RIMS3: variants seen among roughly 807,000 people sequenced by gnomAD.
RIMS3 encodes the protein regulating synaptic membrane exocytosis protein 3.
A neutral mutation model predicts 29.2 loss-of-function variants in RIMS3; 15 were observed. The observed-to-expected ratio is 0.51, with a 90% CI of 0.34 to 0.79. The LOEUF is 0.79. Among genes scored for constraint, RIMS3 ranks in the 30% least tolerant of loss-of-function variants. The pLI is 0.01. For missense variants in RIMS3, 342 were observed against 421.4 expected, an observed-to-expected ratio of 0.81 and a Z score of 1.65; for synonymous variants, 161 against 170.1, an observed-to-expected ratio of 0.95 and a Z score of 0.41.
chr1:40,637,284 G>A (rs147687784), intron 3 of RIMS3, among the ~76,000 whole-genome samples: 7 of 152,268 alleles, frequency 4.6e-5, no homozygotes, highest in African/African-American at 9.6e-5. Flanking sequence ...CTCCTGCTTC[G>A]TCTGCTTATC....
At chr1:40,660,267 G>A (rs911370010) in intron 1 of RIMS3, among the ~76,000 whole-genome samples, 1 of 152,118 alleles carries the variant, frequency 6.6e-6, no homozygotes, top group African/African-American at 2.4e-5. Context: ...TAAAGGCAGA[G>A]CAGGTGCAGG....
At chr1:40,685,192 C>T in the RIMS3 span, among the ~76,000 whole-genome samples, 1 of 150,930 alleles carries the variant, frequency 6.6e-6, no homozygotes, top group African/African-American at 2.4e-5. Context: ...TGCATCCTGT[C>T]CTCTTTCCCT....
intron 2 of RIMS3, among the ~76,000 whole-genome samples, chr1:40,644,122 G>A (rs541085809): frequency 6.6e-6 from 1 of 152,294 alleles, no homozygotes; most frequent in East Asian, 1.9e-4. Flanking sequence ...AGAGGGCTAA[G>A]CCCTAGGACA....
intron 7 of RIMS3, among the ~76,000 whole-genome samples, chr1:40,628,329 C>G (rs1015626693): frequency 6.6e-6 from 1 of 152,198 alleles, no homozygotes; most frequent in Non-Finnish European, 1.5e-5. Flanking sequence ...GTGCAGAAGG[C>G]CTTTGTTGCT....
the RIMS3 span, among the ~76,000 whole-genome samples, chr1:40,675,996 A>T: frequency 6.6e-6 from 1 of 152,284 alleles, no homozygotes; most frequent in African/African-American, 2.4e-5. Context: ...AAGTAGGATC[A>T]GAGACCAAGA....
At chr1:40,685,976 C>T in the RIMS3 span, among the ~76,000 whole-genome samples, 4 of 152,092 alleles carry the variant, frequency 2.6e-5, no homozygotes, top group South Asian at 2.1e-4. Flanking sequence ...GGTGAAACCC[C>T]GTCTTTACTA....
At position 40,621,288 on chromosome 1, in the gene RIMS3, G is replaced by A. The variant is rs1330431895; in HGVS notation, c.*5229C>T. 6.6e-6 allele frequency: 1 copy of A among 152,252 alleles called. No individual in the cohort carries two copies. Among genetic ancestry groups the A allele is most frequent in the Non-Finnish European group, 1.5e-5 (1 of 68,050 alleles). 9.4% of individuals were successfully genotyped at this position (152,252 alleles called of 1,614,324 possible). On this transcript the variant is annotated 3_prime_UTR_variant, in exon 8 of 8. Coordinates refer to ENST00000372684, the MANE Select transcript of RIMS3 (RefSeq NM_014747.3). The stretch of plus-strand genomic sequence containing the variant: ...ACACTGACTTACTCAGGATGTAGCG[G>A]AGGTTGTGACATCACATCAGCACCT...
chr1:40,682,204 TTTCA>T, the RIMS3 span, among the ~76,000 whole-genome samples: 2 of 152,180 alleles, frequency 1.3e-5, no homozygotes, highest in African/African-American at 2.4e-5. Context: ...ACTGGCTTAC[TTTCA>T]TTCATTCATT....
Position 40,626,319 on chromosome 1 carries a change from G to T in RIMS3, c.*198C>A. The stretch of plus-strand genomic sequence containing the variant: ...CAGACAAATGAACAGATAGAACGTG[G>T]TCACGTACACACACACACACACGCA... On this transcript the variant is annotated 3_prime_UTR_variant, in exon 8 of 8. Transcript: ENST00000372684. 1.6e-6 allele frequency: 1 copy of T among 627,062 alleles called. No homozygotes were observed. 38.8% of individuals were successfully genotyped at this position (627,062 alleles called of 1,614,324 possible).
rs1467357339 is a variant in RIMS3 at position 40,636,115 on chromosome 1, C to T, written c.218-58G>A. 2.5e-6 allele frequency: 4 copies of T among 1,591,374 alleles called. No individual in the cohort carries two copies. Among genetic ancestry groups the T allele is most frequent in the Admixed American group, 1.7e-5 (1 of 59,780 alleles). ...GAACAAGGTCAGATTATGAATGGGG[C>T]TTCTCTAAGAGTCCTGCCAAAGTCA... On this transcript the variant is annotated intron_variant, in intron 3 of 7. Transcript: ENST00000372684. This position sits in a 1 kb window ranked among gnomAD's most constrained non-coding sequence, Gnocchi z 4.2.
In RIMS3 at chr1:40,628,958, G is replaced by A. The variant is rs1341397251; in HGVS notation, c.575-9C>T. ...AACCTTGATATAGGTGGCTAAGGGA[G>A]GAGAGAATGTATGACAGGGAGGGGT... is the stretch of plus-strand genomic sequence containing the variant. On this transcript the variant is annotated splice_polypyrimidine_tract_variant and intron_variant, in intron 6 of 7. Coordinates refer to ENST00000372684, the MANE Select transcript of RIMS3 (RefSeq NM_014747.3). 6.2e-7 allele frequency: 1 copy of A among 1,612,894 alleles called. No homozygotes were observed. The highest frequency in any genetic ancestry group is 8.5e-7 in the Non-Finnish European group (1 of 1,179,998).
the RIMS3 span, among the ~76,000 whole-genome samples, chr1:40,673,931 T>A: frequency 6.7e-6 from 1 of 148,944 alleles, no homozygotes; most frequent in Non-Finnish European, 1.5e-5. Flanking sequence ...AGAAAACATA[T>A]GTAAAGTGAT....
chr1:40,637,104 G>T (rs191369110), intron 3 of RIMS3, among the ~76,000 whole-genome samples: 2 of 152,294 alleles, frequency 1.3e-5, no homozygotes, highest in Admixed American at 1.3e-4. Flanking sequence ...ATTAACAGTG[G>T]AGTTGCCTAC....
chr1:40,652,557 A>G (rs974671201), intron 1 of RIMS3, among the ~76,000 whole-genome samples: 1 of 152,220 alleles, frequency 6.6e-6, no homozygotes, highest in Non-Finnish European at 1.5e-5. Context: ...CTCTAAAGGA[A>G]GGAGGCGGCA....
chr1:40,623,569 G>A lies in RIMS3; in HGVS notation c.*2948C>T. ...CTGTAACCACTGCAGGGTTTCATCT[G>A]GGCAAGGGGGCATTTGGAGCCGGGA... On this transcript the variant is annotated 3_prime_UTR_variant, in exon 8 of 8. Coordinates refer to ENST00000372684, the MANE Select transcript of RIMS3 (RefSeq NM_014747.3). The A allele has an allele frequency of 1.0e-5, 4 of 398,654 alleles. No individual in the cohort carries two copies. Among genetic ancestry groups the A allele is most frequent in the Non-Finnish European group, 1.8e-5 (4 of 226,148 alleles). The allele number at this position is 398,654 out of a possible 1,614,324, so 24.7% of individuals were successfully genotyped here. A position where few individuals can be genotyped will look rare whatever the true frequency, so the allele number is the denominator to read the frequency against.
At chr1:40,650,850 A>G (rs1557680256) in intron 1 of RIMS3, among the ~76,000 whole-genome samples, 1 of 115,542 alleles carries the variant, frequency 8.7e-6, no homozygotes, top group East Asian at 2.8e-4. Flanking sequence ...TGGATGACAG[A>G]GCCAGACTCT....
chr1:40,675,967 G>A, the RIMS3 span, among the ~76,000 whole-genome samples: 2 of 152,022 alleles, frequency 1.3e-5, no homozygotes, highest in Non-Finnish European at 2.9e-5. Context: ...GGCCAGGAAA[G>A]CCATGTGCAG....
At chr1:40,657,509 G>A (rs1642288552) in intron 1 of RIMS3, among the ~76,000 whole-genome samples, 1 of 152,174 alleles carries the variant, frequency 6.6e-6, no homozygotes, top group Admixed American at 6.5e-5. Context: ...ACTTTCAGAG[G>A]CCAAGATGGG....
chr1:40,685,783 C>T, the RIMS3 span, among the ~76,000 whole-genome samples: 1 of 151,870 alleles, frequency 6.6e-6, no homozygotes, highest in Non-Finnish European at 1.5e-5. Flanking sequence ...TTCTCATGGC[C>T]ACACACCCTC....
Sources: gnomAD v4.1 joint callset for allele counts (sites outside exome capture counted in the v4.1 genomes callset) on GRCh38, gnomAD v4.1.1 for gene constraint, Gnocchi (gnomAD v3.1) non-coding constraint, MANE v1.5 for transcripts, NCBI Gene and HGNC (gene_info 2026-07-23, HGNC 2026-07-21) for gene names.